The following ARHGEF17 variants were observed in gnomAD, a reference collection of about 807,000 sequenced individuals.
ARHGEF17 encodes 164 kDa Rho-specific guanine-nucleotide exchange factor.
In ARHGEF17, 80 loss-of-function variants were observed where a neutral mutation model predicts 174.0. The observed-to-expected ratio is 0.46, with a 90% confidence interval of 0.38 to 0.55. ARHGEF17 has a LOEUF of 0.55. Among genes scored for constraint, ARHGEF17 ranks in the 20% least tolerant of loss-of-function variants. ARHGEF17 has a pLI of 0.00. For synonymous variants in ARHGEF17, 1,311 were observed against 1,189.1 expected (o/e 1.10, Z -2.11); for missense variants, 2,886 against 2,839.7 (o/e 1.02, Z -0.37).
In ARHGEF17 at chr11:73,308,833, C is replaced by T. The variant is rs116288709; in HGVS notation, c.195C>T (p.Pro65=). 1,455 of 1,340,888 alleles carry T rather than the reference C, an allele frequency of 1.1e-3. 19 individuals carry two copies. The African/African-American group carries it at 0.02, about 18-fold the overall frequency. 83.1% of individuals were successfully genotyped at this position (1,340,888 alleles called of 1,614,324 possible). ...SRRVSKLASG[P]LAAPAQPRPL... is the part of the protein sequence containing the mutation. ...GCGTGTCCAAGCTGGCGTCTGGGCC[C>T]CTGGCCGCCCCCGCGCAGCCGCGCC... Residue 65 remains proline (P), a synonymous_variant, in exon 1 of 21, where the codon CCC becomes CCT. Coordinates refer to ENST00000263674, the MANE Select transcript of ARHGEF17 (RefSeq NM_014786.4).
chr11:73,355,557 A>G lies in ARHGEF17; in HGVS notation c.3478A>G (p.Ile1160Val), dbSNP rs563068636. The part of the protein sequence containing the change: ...QSFSKDVLVN[I>V]YSAYIDNFLN... ...GTTCTCCAAGGATGTCCTAGTAAACATCTATTCTGCCTATATCGATAACTT... is the reference window on the plus strand; with the variant it reads ...GTTCTCCAAGGATGTCCTAGTAAACGTCTATTCTGCCTATATCGATAACTT... The change falls in exon 4 of 21, where the codon ATC becomes GTC. Residue 1160 changes from isoleucine to valine, a missense_variant. Ile to Val is a conservative substitution (Grantham distance 29, BLOSUM62 3). This residue lies in a region of ARHGEF17 where 353 missense variants were observed against 470.3 expected (regional missense o/e 0.75). Transcript: ENST00000263674. 1.1e-5 allele frequency: 17 copies of G among 1,614,122 alleles called. No individual in the cohort carries two copies. The highest frequency in any genetic ancestry group is 4.5e-5 in the East Asian group (2 of 44,890).
intron 2 of ARHGEF17, among the ~76,000 whole-genome samples, chr11:73,348,851 T>C (rs1007673071): frequency 1.3e-5 from 2 of 152,182 alleles, no homozygotes; most frequent in Admixed American, 6.5e-5. Context: ...GAAGGGGGCC[T>C]ACCCTGGTGT....
chr11:73,309,667 G>C lies in ARHGEF17; in HGVS notation c.1029G>C (p.Glu343Asp). The C allele has an allele frequency of 1.2e-6, 2 of 1,613,134 alleles. No homozygotes were observed. Among genetic ancestry groups the C allele is most frequent in the Non-Finnish European group, 1.7e-6 (2 of 1,180,034 alleles). ...PRAPREEGLR[E>D]WGSGSPPCVP... ...CCCCTAGAGAAGAAGGACTCCGGGA[G>C]TGGGGTAGTGGCTCTCCGCCCTGCG... Residue 343 changes from glutamate (E) to aspartate (D), a missense_variant, in exon 1 of 21, where the codon GAG becomes GAC. This residue lies in a region of ARHGEF17 where 1,728 missense variants were observed against 1,461.2 expected (regional missense o/e 1.18). Coordinates refer to ENST00000263674, the MANE Select transcript of ARHGEF17 (RefSeq NM_014786.4).
chr11:73,322,449 C>G (rs1019868498), intron 1 of ARHGEF17, among the ~76,000 whole-genome samples: 16 of 152,230 alleles, frequency 1.1e-4, no homozygotes, highest in African/African-American at 3.1e-4. Context: ...GGGCCTTGCC[C>G]AAGGCCACAC....
At chr11:73,316,038 T>C (rs1297014180) in intron 1 of ARHGEF17, among the ~76,000 whole-genome samples, 1 of 150,818 alleles carries the variant, frequency 6.6e-6, no homozygotes, top group Non-Finnish European at 1.5e-5. Context: ...GAGTGTAGGA[T>C]CTAGAAGCCA....
At chr11:73,334,017 C>T (rs1817931753) in intron 1 of ARHGEF17, among the ~76,000 whole-genome samples, 1 of 152,244 alleles carries the variant, frequency 6.6e-6, no homozygotes, top group African/African-American at 2.4e-5. Flanking sequence ...GAACTGAGCA[C>T]TTAACTGTGG....
Position 73,309,796 on chromosome 11 carries a change from C to G in ARHGEF17, c.1158C>G (p.Gly386=). The stretch of plus-strand genomic sequence containing the variant: ...CCTCGTACCTGGCCAGCCCCGCAGG[C>G]TCCCGCGGTAGCAGCCGTTATTCCA... ...SFPSYLASPA[G]SRGSSRYSST... The change falls in exon 1 of 21, where the codon GGC becomes GGG. Residue 386 remains glycine (G), a synonymous_variant. Transcript: ENST00000263674. The G allele has an allele frequency of 6.2e-7, 1 of 1,613,044 alleles. No homozygotes were observed. Among genetic ancestry groups the G allele is most frequent in the East Asian group, 2.2e-5 (1 of 44,888 alleles).
intron 3 of ARHGEF17, among the ~76,000 whole-genome samples, chr11:73,353,966 A>G (rs767381296): frequency 1.3e-5 from 2 of 152,274 alleles, no homozygotes; most frequent in Non-Finnish European, 2.9e-5. Context: ...GATAAATCAT[A>G]GCCAAATGCA....
rs759974204 is a variant in ARHGEF17 at position 73,309,348 on chromosome 11, C to T, written c.710C>T (p.Ala237Val). 12 of 1,593,324 alleles carry T rather than the reference C, an allele frequency of 7.5e-6. No individual in the cohort carries two copies. In the African/African-American group the frequency reaches 1.1e-4, roughly 15 times the overall value. Residue 237 changes from alanine to valine, a missense_variant, in exon 1 of 21, where the codon GCC becomes GTC. This residue lies in a region of ARHGEF17 where 1,728 missense variants were observed against 1,461.2 expected (regional missense o/e 1.18). Coordinates refer to ENST00000263674, the MANE Select transcript of ARHGEF17 (RefSeq NM_014786.4). ...GCCTCCTGCTCCTCCTCCTCCATCG[C>T]CGCCTCCTATCCTGTCAGCCGCAGT... ...ARASCSSSSI[A>V]ASYPVSRSRA... is the part of the protein sequence containing the mutation.
intron 1 of ARHGEF17, among the ~76,000 whole-genome samples, chr11:73,328,911 G>GATGAC (rs1565193347): frequency 6.6e-6 from 1 of 152,120 alleles, no homozygotes; most frequent in African/African-American, 2.4e-5. Context: ...CTAGGAGAGA[G>GATGAC]AGTCATGGAG....
chr11:73,325,115 A>G (rs1405691777), intron 1 of ARHGEF17, among the ~76,000 whole-genome samples: 3 of 152,194 alleles, frequency 2.0e-5, no homozygotes, highest in Non-Finnish European at 1.5e-5. Flanking sequence ...TCTGGAAAGC[A>G]GATCTCTTGG....
chr11:73,312,094 C>G (rs1167851780), intron 1 of ARHGEF17, among the ~76,000 whole-genome samples: 1 of 152,208 alleles, frequency 6.6e-6, no homozygotes, highest in South Asian at 2.1e-4. Context: ...GTGGTAATTA[C>G]AAAGGATTCT....
intron 1 of ARHGEF17, among the ~76,000 whole-genome samples, chr11:73,324,192 G>C (rs1001224408): frequency 1.3e-5 from 2 of 152,208 alleles, no homozygotes; most frequent in African/African-American, 4.8e-5. Flanking sequence ...TGCTTCGGAG[G>C]TAACAGACCT....
Position 73,308,905 on chromosome 11 carries a change from C to A in ARHGEF17, c.267C>A (p.Phe89Leu), listed in dbSNP as rs910021446. 2.9e-6 allele frequency: 4 copies of A among 1,364,598 alleles called. No individual in the cohort carries two copies. The highest frequency in any genetic ancestry group is 3.1e-5 in the African/African-American group (2 of 65,172). 84.5% of individuals were successfully genotyped at this position (1,364,598 alleles called of 1,614,324 possible). A position where few individuals can be genotyped will look rare whatever the true frequency, so the allele number is the denominator to read the frequency against. ...SPSVRQLSRRFDAPRLDDGSA... is the reference protein window; with the variant it reads ...SPSVRQLSRRLDAPRLDDGSA... Reference sequence around the variant, plus strand: ...CGGTTCGCCAGCTCTCCCGGCGCTTCGACGCGCCGCGTCTGGACGACGGCT... The same window carrying A: ...CGGTTCGCCAGCTCTCCCGGCGCTTAGACGCGCCGCGTCTGGACGACGGCT... The change falls in exon 1 of 21, where the codon TTC (phenylalanine) becomes TTA (leucine). Residue 89 changes from phenylalanine to leucine, a missense_variant. This residue lies in a region of ARHGEF17 where 1,728 missense variants were observed against 1,461.2 expected (regional missense o/e 1.18). Transcript: ENST00000263674.
chr11:73,360,562 C>T (rs779049096), intron 11 of ARHGEF17, 29 bp downstream of exon 11: 146 of 1,610,364 alleles, frequency 9.1e-5, no homozygotes, highest in Non-Finnish European at 1.2e-4. Flanking sequence ...TGGCCCTCTC[C>T]TCCTAGAGCT....
intron 2 of ARHGEF17, among the ~76,000 whole-genome samples, chr11:73,347,918 G>A (rs940857684): frequency 6.6e-6 from 1 of 152,190 alleles, no homozygotes; most frequent in Non-Finnish European, 1.5e-5. Context: ...TTGGTTGTGG[G>A]GGGCAAGGTG....
intron 1 of ARHGEF17, among the ~76,000 whole-genome samples, chr11:73,336,573 T>G (rs1865289945): frequency 6.6e-6 from 1 of 152,214 alleles, no homozygotes; most frequent in Admixed American, 6.5e-5. Context: ...GTGGTGAGGT[T>G]GGAGTCCCAG....
At chr11:73,314,365 G>A (rs567998458) in intron 1 of ARHGEF17, among the ~76,000 whole-genome samples, 128 of 152,288 alleles carry the variant, frequency 8.4e-4, no homozygotes, top group Non-Finnish European at 1.6e-3. Context: ...TTCACCCTCA[G>A]GTCCACATTC....
intron 2 of ARHGEF17, among the ~76,000 whole-genome samples, chr11:73,351,270 T>A (rs1216083566): frequency 1.3e-5 from 2 of 152,224 alleles, no homozygotes; most frequent in Non-Finnish European, 2.9e-5. Context: ...TTTTTAAAAA[T>A]GTTTAATATA....
Sources: gnomAD v4.1 joint callset for allele counts (sites outside exome capture counted in the v4.1 genomes callset) on GRCh38, gnomAD v4.1.1 for gene constraint, gnomAD v4.1.1 regional missense constraint, MANE v1.5 for transcripts, NCBI Gene and HGNC (gene_info 2026-07-23, HGNC 2026-07-21) for gene names.